The following SMARCA5 variants were observed in gnomAD, a reference collection of about 807,000 sequenced individuals.
The protein encoded by SMARCA5 is SNF2 related chromatin remodeling ATPase 5.
Under a neutral mutation model 140.4 loss-of-function variants are expected in SMARCA5, and 18 were observed. The observed-to-expected ratio is 0.13, with a 90% CI of 0.09 to 0.19. SMARCA5 has a LOEUF of 0.19. Ranked by LOEUF, SMARCA5 falls within the 10% of genes least tolerant of loss-of-function variation. The pLI is 1.00. For missense variants in SMARCA5, 606 were observed against 1,276.8 expected, an observed-to-expected ratio of 0.47 and a Z score of 8.01; for synonymous variants, 449 against 419.6, an observed-to-expected ratio of 1.07 and a Z score of -0.86.
intron 11 of SMARCA5, among the ~76,000 whole-genome samples, chr4:143,538,388 AT>A (rs1320481451): frequency 6.6e-6 from 1 of 152,156 alleles, no homozygotes; most frequent in Non-Finnish European, 1.5e-5. Flanking sequence ...TTCTGTACAA[AT>A]GTTACCCTTT....
In SMARCA5 at chr4:143,526,828, C is replaced by T. The variant is rs565443214; in HGVS notation, c.801+368C>T. Among the ~76,000 whole-genome samples, 36 of 151,608 alleles carry T rather than the reference C, an allele frequency of 2.4e-4. 2 individuals are homozygous for T. In the South Asian group the frequency reaches 7.5e-3, roughly 32 times the overall value. On this transcript the variant is annotated intron_variant, in intron 6 of 23. Coordinates refer to ENST00000283131, the MANE Select transcript of SMARCA5 (RefSeq NM_003601.4). ...GCAGTGAGCCGAGATGGCGCCACTG[C>T]ACTCCAGCCTGGGCAACAAAGCAAG...
At chr4:143,538,476 T>C in intron 11 of SMARCA5, 114 bp from the exon 12 acceptor site, 1 of 839,192 alleles carries the variant, frequency 1.2e-6, no homozygotes, top group Non-Finnish European at 1.9e-6. Flanking sequence ...TTCCCCCTTG[T>C]AACCAAGTAG....
chr4:143,514,271 C>A (rs917497291), intron 1 of SMARCA5, 170 bp downstream of exon 1: 1 of 620,396 alleles, frequency 1.6e-6, no homozygotes, highest in South Asian at 2.2e-5. Flanking sequence ...CTTGTTCTTA[C>A]CCTATTCGAG....
intron 13 of SMARCA5, among the ~76,000 whole-genome samples, chr4:143,539,461 T>C (rs899103535): frequency 2.0e-5 from 3 of 152,060 alleles, no homozygotes; most frequent in African/African-American, 7.2e-5. Flanking sequence ...ATTGAGAGAA[T>C]TGATACTGCA....
Position 143,545,563 on chromosome 4 carries a change from A to C in SMARCA5, c.2377A>C (p.Arg793=). 1 of 1,590,766 alleles carries C rather than the reference A, an allele frequency of 6.3e-7. No individual in the cohort carries two copies. Among genetic ancestry groups the C allele is most frequent in the East Asian group, 2.2e-5 (1 of 44,690 alleles). The change falls in exon 18 of 24, where the codon AGA becomes CGA. Residue 793 remains arginine (R), a synonymous_variant. Coordinates refer to ENST00000283131, the MANE Select transcript of SMARCA5 (RefSeq NM_003601.4). ...ELLEKEILFY[R]KTIGYKVPRN... ...ACTGGAAAAAGAAATTCTGTTTTAC[A>C]GAAAAACTATTGGGTACAAGGTAAT...
intron 9 of SMARCA5, 72 bp from the exon 10 acceptor site, chr4:143,534,783 C>A: frequency 9.3e-7 from 1 of 1,079,270 alleles, no homozygotes; most frequent in Non-Finnish European, 1.3e-6. Context: ...ATTTTATATA[C>A]AATTCTAAGA....
At chr4:143,517,788 G>C (rs1297554422) in intron 2 of SMARCA5, among the ~76,000 whole-genome samples, 1 of 152,098 alleles carries the variant, frequency 6.6e-6, no homozygotes, top group Non-Finnish European at 1.5e-5. Flanking sequence ...ACACTGTTGC[G>C]TTGGGGATTA....
At chr4:143,534,049 C>T (rs1050615120) in intron 9 of SMARCA5, among the ~76,000 whole-genome samples, 3 of 152,098 alleles carry the variant, frequency 2.0e-5, no homozygotes, top group African/African-American at 7.2e-5. Context: ...ACACCGTTTT[C>T]CCAACGGCAT....
chr4:143,517,460 A>G, intron 2 of SMARCA5, 31 bp downstream of exon 2: 2 of 1,436,650 alleles, frequency 1.4e-6, no homozygotes, highest in Non-Finnish European at 9.5e-7. Context: ...TAGAGTCTAT[A>G]AGGAAAACTT....
At chr4:143,514,870 GA>G (rs34359057) in intron 1 of SMARCA5, among the ~76,000 whole-genome samples, 34,479 of 148,694 alleles carry the variant, frequency 0.23, 4,333 homozygotes, top group East Asian at 0.6. Flanking sequence ...CTGGCCTTAA[GA>G]AAAAAAAAAA....
intron 23 of SMARCA5, among the ~76,000 whole-genome samples, chr4:143,551,002 T>A (rs1356369190): frequency 6.6e-6 from 1 of 152,094 alleles, no homozygotes; most frequent in African/African-American, 2.4e-5. Context: ...TCCACAGTGA[T>A]TGTACTAATT....
At chr4:143,543,740 A>G in intron 15 of SMARCA5, 83 bp downstream of exon 15, 1 of 1,504,484 alleles carries the variant, frequency 6.6e-7, no homozygotes, top group South Asian at 1.2e-5. Context: ...GATGATAAAT[A>G]ATTTTATTTC....
At chr4:143,530,646 G>A in intron 9 of SMARCA5, 120 bp downstream of exon 9, 1 of 617,964 alleles carries the variant, frequency 1.6e-6, no homozygotes, top group South Asian at 2.0e-5. Flanking sequence ...AGATCTGCTT[G>A]AATTCTGACA....
At chr4:143,543,763 CT>C (rs1306828078) in intron 15 of SMARCA5, 89 bp from the exon 16 acceptor site, 1 of 1,511,486 alleles carries the variant, frequency 6.6e-7, no homozygotes, top group East Asian at 2.3e-5. Flanking sequence ...TAAAGAGAAG[CT>C]TTTGTGTACG....
At chr4:143,523,561 A>G (rs1030879030) in intron 3 of SMARCA5, among the ~76,000 whole-genome samples, 4 of 152,214 alleles carry the variant, frequency 2.6e-5, no homozygotes, top group African/African-American at 2.4e-5. Context: ...AGTACAAGGA[A>G]TAACAGACTA....
Position 143,513,957 on chromosome 4 carries a change from G to C in SMARCA5, c.33G>C (p.Pro11=), listed in dbSNP as rs1432487399. 6.4e-7 allele frequency: 1 copy of C among 1,552,334 alleles called. No individual in the cohort carries two copies. Among genetic ancestry groups the C allele is most frequent in the Non-Finnish European group, 8.6e-7 (1 of 1,156,230 alleles). The stretch of plus-strand genomic sequence containing the variant: ...CCGCGGCCGAGCCTCCGCCACCCCC[G>C]CCTCCCGAGAGCGCGCCTTCCAAGC... MSSAAEPPPP[P]PPESAPSKPA... Residue 11 remains proline (P), a synonymous_variant, in exon 1 of 24, where the codon CCG becomes CCC. Transcript: ENST00000283131.
intron 9 of SMARCA5, among the ~76,000 whole-genome samples, chr4:143,532,416 C>G (rs1266047337): frequency 6.6e-6 from 1 of 152,080 alleles, no homozygotes; most frequent in Non-Finnish European, 1.5e-5. Context: ...AGCAAATGAA[C>G]AACCCATTCA....
At chr4:143,531,585 G>A (rs1257669860) in intron 9 of SMARCA5, among the ~76,000 whole-genome samples, 2 of 152,106 alleles carry the variant, frequency 1.3e-5, no homozygotes, top group African/African-American at 4.8e-5. Context: ...TCACTAGATG[G>A]CAGTAGTAAC....
intron 6 of SMARCA5, among the ~76,000 whole-genome samples, chr4:143,527,277 T>C (rs1737093758): frequency 6.6e-6 from 1 of 152,210 alleles, no homozygotes. Context: ...TGTGTACTTG[T>C]TTTTTATTTC....
Sources: allele counts gnomAD v4.1 joint callset (sites outside exome capture counted in the v4.1 genomes callset), GRCh38; gene constraint gnomAD v4.1.1; transcripts MANE v1.5; gene names NCBI Gene and HGNC (gene_info 2026-07-23, HGNC 2026-07-21).